TAFA2: variants seen among roughly 807,000 people sequenced by gnomAD.
The protein encoded by TAFA2 is TAFA chemokine like family member 2, also known as chemokine-like protein TAFA-2.
In TAFA2, 7 loss-of-function variants were observed where a neutral mutation model predicts 18.8. The observed-to-expected ratio is 0.37, with a 90% CI of 0.21 to 0.70. The LOEUF is 0.70. TAFA2 is among the 30% of genes least tolerant of loss of function. The pLI is 0.53. For synonymous variants in TAFA2, 60 were observed against 54.2 expected (o/e 1.11, Z -0.47); for missense variants, 122 against 158.1 (o/e 0.77, Z 1.23).
At chr12:61,911,459 T>G (rs1876609123) in intron 1 of TAFA2, among the ~76,000 whole-genome samples, 1 of 152,192 alleles carries the variant, frequency 6.6e-6, no homozygotes, top group African/African-American at 2.4e-5. Context: ...ATGTATAAGT[T>G]AAACTATGAC....
intron 2 of TAFA2, among the ~76,000 whole-genome samples, chr12:61,864,482 C>T (rs1050772893): frequency 8.6e-5 from 13 of 150,772 alleles, no homozygotes; most frequent in African/African-American, 2.7e-4. Flanking sequence ...AACCCAAAAA[C>T]ATGAGTGAAA....
Position 61,959,863 on chromosome 12 carries a change from ATTT to A in TAFA2, c.-1-92440_-1-92438del, listed in dbSNP as rs934670859. On this transcript the variant is annotated intron_variant, in intron 1 of 4. Coordinates refer to ENST00000416284, the MANE Select transcript of TAFA2 (RefSeq NM_178539.5). ...TTATCAAAAGTCCTACTGCATCACTATTTTTTTTTATTTTTTTAGAGAGGGGTG... is the reference window on the plus strand; with the variant it reads ...TTATCAAAAGTCCTACTGCATCACTATTTTTTATTTTTTTAGAGAGGGGTG... 8.6e-5 allele frequency among the ~76,000 whole-genome samples: 13 copies of A among 151,144 alleles called. 1 individual carries two copies. Among genetic ancestry groups the A allele is most frequent in the Admixed American group, 6.6e-4 (10 of 15,138 alleles).
At chr12:62,076,910 G>C (rs908773763) in intron 1 of TAFA2, among the ~76,000 whole-genome samples, 1 of 152,134 alleles carries the variant, frequency 6.6e-6, no homozygotes, top group African/African-American at 2.4e-5. Context: ...TCTAAAACTG[G>C]AACCTCTGAG....
intron 1 of TAFA2, among the ~76,000 whole-genome samples, chr12:62,033,243 C>T (rs994925854): frequency 1.3e-5 from 2 of 152,294 alleles, no homozygotes; most frequent in East Asian, 3.9e-4. Flanking sequence ...TGTGCCCACT[C>T]ACATTATGGG....
intron 4 of TAFA2, among the ~76,000 whole-genome samples, chr12:61,726,647 G>A (rs1332912453): frequency 6.6e-6 from 1 of 151,944 alleles, no homozygotes; most frequent in African/African-American, 2.4e-5. Flanking sequence ...AGTCCTTAGG[G>A]TTTTCTAGGT....
At chr12:62,206,112 T>A (rs1345278619) in intron 1 of TAFA2, among the ~76,000 whole-genome samples, 1 of 152,174 alleles carries the variant, frequency 6.6e-6, no homozygotes, top group East Asian at 1.9e-4. Context: ...AGTCACTCAC[T>A]GTTTTTATTC....
chr12:61,827,714 C>G (rs717274), intron 2 of TAFA2, among the ~76,000 whole-genome samples: 9,525 of 151,868 alleles, frequency 0.063, 999 homozygotes, highest in African/African-American at 0.22. Flanking sequence ...ATGAATAGTC[C>G]TAAAATAGAG....
chr12:61,758,110 T>C (rs1869362553), intron 2 of TAFA2, among the ~76,000 whole-genome samples: 1 of 152,214 alleles, frequency 6.6e-6, no homozygotes, highest in Non-Finnish European at 1.5e-5. Flanking sequence ...TTTCTATTGC[T>C]GTTAACATTT....
At chr12:62,043,538 C>T (rs982472167) in intron 1 of TAFA2, among the ~76,000 whole-genome samples, 5 of 152,040 alleles carry the variant, frequency 3.3e-5, no homozygotes, top group African/African-American at 7.3e-5. Context: ...GGGTGCAGCA[C>T]ACCAACATGG....
At chr12:61,962,824 C>T (rs1484691215) in intron 1 of TAFA2, among the ~76,000 whole-genome samples, 5 of 151,986 alleles carry the variant, frequency 3.3e-5, no homozygotes, top group Admixed American at 6.6e-5. Context: ...TAGACATACA[C>T]ATGCCATGGT....
upstream of TAFA2, among the ~76,000 whole-genome samples, chr12:62,196,211 A>G (rs1048308270): frequency 6.6e-6 from 1 of 152,232 alleles, no homozygotes; most frequent in East Asian, 1.9e-4. Flanking sequence ...GCTCTGGATT[A>G]GACCCTGGCT....
intron 1 of TAFA2, among the ~76,000 whole-genome samples, chr12:62,052,825 G>T (rs887756571): frequency 1.3e-5 from 2 of 152,174 alleles, no homozygotes; most frequent in Non-Finnish European, 2.9e-5. Flanking sequence ...GATATTTATT[G>T]TTTGCTAAAT....
At chr12:62,167,091 G>A (rs183191119) in intron 1 of TAFA2, among the ~76,000 whole-genome samples, 54 of 152,100 alleles carry the variant, frequency 3.6e-4, no homozygotes, top group African/African-American at 1.1e-3. Context: ...TGGAGAAAAA[G>A]TTGTGTGGAG....
chr12:62,176,222 G>A (rs1446597008), intron 1 of TAFA2, among the ~76,000 whole-genome samples: 1 of 152,080 alleles, frequency 6.6e-6, no homozygotes, highest in Non-Finnish European at 1.5e-5. Flanking sequence ...GATTTACTTG[G>A]AAAGGGATTG....
chr12:62,121,470 C>T (rs1302115697), intron 1 of TAFA2, among the ~76,000 whole-genome samples: 1 of 152,066 alleles, frequency 6.6e-6, no homozygotes, highest in Non-Finnish European at 1.5e-5. Context: ...ATAACGAATT[C>T]CCATGAATGC....
intron 1 of TAFA2, among the ~76,000 whole-genome samples, chr12:62,157,355 T>C (rs1180220081): frequency 6.6e-6 from 1 of 152,272 alleles, no homozygotes; most frequent in South Asian, 2.1e-4. Flanking sequence ...CAGTGCCCTA[T>C]GAAGAAAGAA....
At chr12:62,102,918 T>TA (rs1869274198) in intron 1 of TAFA2, among the ~76,000 whole-genome samples, 1 of 152,232 alleles carries the variant, frequency 6.6e-6, no homozygotes, top group Non-Finnish European at 1.5e-5. Flanking sequence ...ATCAGCAGTC[T>TA]ACTACAGTCT....
chr12:62,219,710 A>C (rs2062752566), intron 1 of TAFA2, among the ~76,000 whole-genome samples: 1 of 152,172 alleles, frequency 6.6e-6, no homozygotes, highest in South Asian at 2.1e-4. Flanking sequence ...ACTGCTTTTA[A>C]TATAAATCAC....
chr12:61,901,259 C>CTTTTTTTTT (rs1203233805), intron 1 of TAFA2, among the ~76,000 whole-genome samples: 12 of 10,900 alleles, frequency 1.1e-3, no homozygotes, highest in Non-Finnish European at 1.3e-3. Context: ...TTCAATTTCA[C>CTTTTTTTTT]TTTTTTTTTT....
Sources: gnomAD v4.1 joint callset for allele counts (sites outside exome capture counted in the v4.1 genomes callset) on GRCh38, gnomAD v4.1.1 for gene constraint, MANE v1.5 for transcripts, NCBI Gene and HGNC (gene_info 2026-07-23, HGNC 2026-07-21) for gene names.